SSH2: variants seen among roughly 807,000 people sequenced by gnomAD.
The protein encoded by SSH2 is slingshot protein phosphatase 2.
SSH2 carries 37 observed loss-of-function variants against 135.2 expected under a neutral mutation model. The ratio of observed to expected loss-of-function variants is 0.27; its 90% CI spans 0.21 to 0.36. SSH2 has a LOEUF of 0.36. Among genes scored for constraint, SSH2 ranks in the 10% least tolerant of loss-of-function variants. SSH2 has a pLI of 1.00. For synonymous variants in SSH2, 628 were observed against 646.2 expected (o/e 0.97, Z 0.43); for missense variants, 1,408 against 1,765.3 (o/e 0.80, Z 3.63).
At chr17:29,868,487 TA>T (rs2065889915) in intron 1 of SSH2, among the ~76,000 whole-genome samples, 1 of 152,072 alleles carries the variant, frequency 6.6e-6, no homozygotes, top group Non-Finnish European at 1.5e-5. Context: ...CCTGTAATCC[TA>T]GCAGTTTGGG....
chr17:29,706,496 G>T (rs111651950), intron 3 of SSH2, among the ~76,000 whole-genome samples: 7 of 152,208 alleles, frequency 4.6e-5, no homozygotes, highest in South Asian at 2.1e-4. Flanking sequence ...TACAACCGTG[G>T]TGTTCACATG....
At chr17:29,667,833 C>T (rs577635457) in intron 9 of SSH2, among the ~76,000 whole-genome samples, 152 of 152,276 alleles carry the variant, frequency 1.0e-3, no homozygotes, top group Middle Eastern at 3.4e-3. Context: ...AGAACTACAA[C>T]GCTCAGCCTA....
At chr17:29,867,235 T>C (rs1381443494) in intron 1 of SSH2, among the ~76,000 whole-genome samples, 1 of 152,236 alleles carries the variant, frequency 6.6e-6, no homozygotes, top group Non-Finnish European at 1.5e-5. Context: ...CTGTGTGTGC[T>C]GAAAGCATGC....
chr17:29,807,672 T>C (rs1269834173), intron 2 of SSH2, among the ~76,000 whole-genome samples: 1 of 152,028 alleles, frequency 6.6e-6, no homozygotes, highest in Non-Finnish European at 1.5e-5. Context: ...CATCTTGGAG[T>C]GGCAGTGAAC....
intron 14 of SSH2, chr17:29,645,270 G>T (rs1030168826): frequency 6.6e-6 from 1 of 152,162 alleles, no homozygotes; most frequent in Admixed American, 6.5e-5. Context: ...TGCAGCAAGA[G>T]GGTGAACCAG....
chr17:29,673,846 C>T (rs2037596854), intron 8 of SSH2: 3 of 307,980 alleles, frequency 9.7e-6, no homozygotes, highest in South Asian at 8.7e-5. Flanking sequence ...AAATATTTTT[C>T]AACTGGATCA....
At chr17:29,859,245 C>T (rs1337760386) in intron 1 of SSH2, among the ~76,000 whole-genome samples, 4 of 152,046 alleles carry the variant, frequency 2.6e-5, no homozygotes, top group African/African-American at 9.7e-5. Context: ...GTTCTCTTAA[C>T]GCATCAATCT....
chr17:29,701,619 G>A (rs568126976), intron 4 of SSH2, among the ~76,000 whole-genome samples: 2 of 152,080 alleles, frequency 1.3e-5, no homozygotes, highest in South Asian at 4.1e-4. Flanking sequence ...TGCCCAGGCT[G>A]GTGTGCAGTG....
chr17:29,888,483 C>T (rs2066282443), intron 1 of SSH2, among the ~76,000 whole-genome samples: 1 of 152,116 alleles, frequency 6.6e-6, no homozygotes, highest in Non-Finnish European at 1.5e-5. Context: ...AGTGCCATAG[C>T]ATGGACAGCT....
At chr17:29,783,012 C>T (rs1371083305) in intron 3 of SSH2, among the ~76,000 whole-genome samples, 7 of 152,126 alleles carry the variant, frequency 4.6e-5, no homozygotes, top group African/African-American at 1.2e-4. Flanking sequence ...TGAGCCACCG[C>T]GCCTGGCCTG....
At chr17:29,652,014 T>C (rs545665878) in intron 12 of SSH2, among the ~76,000 whole-genome samples, 3 of 152,140 alleles carry the variant, frequency 2.0e-5, no homozygotes, top group Non-Finnish European at 4.4e-5. Context: ...TGGTGGCATG[T>C]GCCTGTAATT....
chr17:29,913,716 C>A (rs979947153), intron 1 of SSH2, among the ~76,000 whole-genome samples: 3 of 151,554 alleles, frequency 2.0e-5, no homozygotes, highest in Non-Finnish European at 2.9e-5. Context: ...CTCACCGCAA[C>A]CTCTGCCTCC....
chr17:29,912,089 G>T lies in SSH2; in HGVS notation c.63+17849C>A, dbSNP rs904323157. 2.6e-5 allele frequency among the ~76,000 whole-genome samples: 4 copies of T among 152,144 alleles called. No individual in the cohort carries two copies. The East Asian group carries it at 7.7e-4, about 29-fold the overall frequency. ...AGAAAGCTACTGGGAATGAGCAGTTGGTTTCTGGGAAAATTTTTGCTTCCT... is the reference window on the plus strand; with the variant it reads ...AGAAAGCTACTGGGAATGAGCAGTTTGTTTCTGGGAAAATTTTTGCTTCCT... On this transcript the variant is annotated intron_variant, in intron 1 of 15. Coordinates refer to ENST00000540801, the MANE Select transcript of SSH2 (RefSeq NM_001282129.2).
chr17:29,812,353 G>A (rs1275392346), intron 2 of SSH2, among the ~76,000 whole-genome samples: 2 of 151,576 alleles, frequency 1.3e-5, no homozygotes, highest in African/African-American at 2.4e-5. Flanking sequence ...ACACAATTTT[G>A]GCTCACTGCA....
chr17:29,838,721 C>T (rs1475025144), intron 2 of SSH2, among the ~76,000 whole-genome samples: 2 of 152,136 alleles, frequency 1.3e-5, no homozygotes, highest in East Asian at 1.9e-4. Flanking sequence ...AGCTGAACAA[C>T]ACCCTGGCTA....
At chr17:29,851,307 T>C (rs2065554089) in intron 1 of SSH2, among the ~76,000 whole-genome samples, 1 of 151,934 alleles carries the variant, frequency 6.6e-6, no homozygotes, top group South Asian at 2.1e-4. Context: ...GTATAAAAAC[T>C]AGAGAGAGGC....
intron 3 of SSH2, among the ~76,000 whole-genome samples, chr17:29,784,504 G>A (rs903666619): frequency 6.6e-6 from 1 of 151,824 alleles, no homozygotes; most frequent in Admixed American, 6.6e-5. Flanking sequence ...GGCTGAGACA[G>A]GAGAATCACT....
At chr17:29,744,014 T>C (rs2040666843) in intron 3 of SSH2, among the ~76,000 whole-genome samples, 2 of 150,580 alleles carry the variant, frequency 1.3e-5, no homozygotes, top group South Asian at 4.2e-4. Context: ...GGAATGGGGC[T>C]GACAGTTGAT....
At position 29,880,168 on chromosome 17, in the gene SSH2, A is replaced by T. The variant is rs578229559; in HGVS notation, c.64-31239T>A. Reference sequence around the variant, plus strand: ...GGCACTCTGCTGAACAGTATACAGGATAAAGTGCAGTGACACAATCACAGC... The same window carrying T: ...GGCACTCTGCTGAACAGTATACAGGTTAAAGTGCAGTGACACAATCACAGC... On this transcript the variant is annotated intron_variant, in intron 1 of 15. Coordinates refer to ENST00000540801, the MANE Select transcript of SSH2 (RefSeq NM_001282129.2). Among the ~76,000 whole-genome samples, 5 of 152,324 alleles carry T rather than the reference A, an allele frequency of 3.3e-5. No individual in the cohort carries two copies. The East Asian group carries it at 9.6e-4, about 29-fold the overall frequency.
Sources: allele counts gnomAD v4.1 joint callset (sites outside exome capture counted in the v4.1 genomes callset), GRCh38; gene constraint gnomAD v4.1.1; transcripts MANE v1.5; gene names NCBI Gene and HGNC (gene_info 2026-07-23, HGNC 2026-07-21).